Variants in TMOD1 observed in about 807,000 individuals in gnomAD.
The protein encoded by TMOD1 is tropomodulin 1.
In TMOD1, 17 loss-of-function variants were observed where a neutral mutation model predicts 40.6. That is an observed-to-expected ratio of 0.42 (90% confidence interval 0.29 to 0.63). TMOD1 has a LOEUF of 0.63. Among genes scored for constraint, TMOD1 ranks in the 20% least tolerant of loss-of-function variants. The probability of loss-of-function intolerance (pLI) is 0.22; values close to 1 mark genes in which losing one functional copy is unlikely to be tolerated. For synonymous variants in TMOD1, 181 were observed against 175.0 expected (o/e 1.03, Z -0.27); for missense variants, 391 against 447.6 (o/e 0.87, Z 1.14).
intron 9 of TMOD1, among the ~76,000 whole-genome samples, chr9:97,595,729 G>A (rs1398429259): frequency 6.6e-6 from 1 of 152,014 alleles, no homozygotes; most frequent in Non-Finnish European, 1.5e-5. Flanking sequence ...ATATCCAGAA[G>A]TGGGACTGCT....
At position 97,565,901 on chromosome 9, in the gene TMOD1, A is replaced by G. The variant is rs1315825021; in HGVS notation, c.672A>G (p.Ser224=). 3 of 1,614,070 alleles carry G rather than the reference A, an allele frequency of 1.9e-6. No homozygotes were observed. The highest frequency in any genetic ancestry group is 2.2e-5 in the East Asian group (1 of 44,892). ...ATGCAGAAGCCCTGAAAGAAAACTC[A>G]TATGTGAAGAAGTTCAGCATCGTGG... The part of the protein sequence containing the change: ...KAYAEALKEN[S]YVKKFSIVGT... Residue 224 remains serine, a synonymous_variant, in exon 7 of 10, where the codon TCA becomes TCG. Coordinates refer to ENST00000259365, the MANE Select transcript of TMOD1 (RefSeq NM_003275.4).
At chr9:97,529,799 A>C (rs1379097780) in intron 2 of TMOD1, among the ~76,000 whole-genome samples, 1 of 152,210 alleles carries the variant, frequency 6.6e-6, no homozygotes, top group Non-Finnish European at 1.5e-5. Flanking sequence ...GGTTTTGAGA[A>C]TGACAAGTCA....
At chr9:97,560,990 G>A (rs1462282259) in intron 4 of TMOD1, among the ~76,000 whole-genome samples, 1 of 152,240 alleles carries the variant, frequency 6.6e-6, no homozygotes, top group Non-Finnish European at 1.5e-5. Flanking sequence ...AGCTGGAGCA[G>A]AGAAGCTGTT....
chr9:97,540,699 T>C (rs995648071), intron 2 of TMOD1, among the ~76,000 whole-genome samples: 4 of 152,248 alleles, frequency 2.6e-5, no homozygotes, highest in African/African-American at 9.6e-5. Flanking sequence ...TCATTCACGT[T>C]GTAGTACTAC....
At chr9:97,574,501 G>A (rs1358325753) in intron 8 of TMOD1, among the ~76,000 whole-genome samples, 2 of 152,314 alleles carry the variant, frequency 1.3e-5, no homozygotes, top group East Asian at 1.9e-4. Flanking sequence ...CCCGACAAGC[G>A]CCGCCCCCTG....
chr9:97,568,937 T>C lies in TMOD1; in HGVS notation c.770T>C (p.Leu257Pro). The change falls in exon 8 of 10, where the codon CTG becomes CCG. Residue 257 changes from leucine (L) to proline (P), a missense_variant. Transcript: ENST00000259365. ...MLKENKVLKT[L>P]NVESNFISGA... ...AAGGAGAACAAGGTGTTGAAGACAC[T>C]GAATGTGGAATCCAACTTCATTTCT... The C allele has an allele frequency of 1.2e-6, 2 of 1,614,198 alleles. No individual in the cohort carries two copies. The highest frequency in any genetic ancestry group is 1.1e-5 in the South Asian group (1 of 91,086).
chr9:97,541,376 C>T (rs1292598451), intron 2 of TMOD1, among the ~76,000 whole-genome samples: 3 of 151,708 alleles, frequency 2.0e-5, no homozygotes, highest in African/African-American at 2.4e-5. Flanking sequence ...TTAGTAGAGA[C>T]GGGGTTTCGC....
chr9:97,599,609 A>G (rs766451041), intron 9 of TMOD1, 25 bp from the exon 10 acceptor site: 1 of 1,614,054 alleles, frequency 6.2e-7, no homozygotes. Flanking sequence ...AAAGTGCCTT[A>G]TATCTTATCT....
In TMOD1 at chr9:97,601,678, C is replaced by A; in HGVS notation, c.*1980C>A. 2 of 637,376 alleles carry A rather than the reference C, an allele frequency of 3.1e-6. No individual in the cohort carries two copies. Among genetic ancestry groups the A allele is most frequent in the Non-Finnish European group, 3.9e-6 (2 of 511,336 alleles). 39.5% of individuals were successfully genotyped at this position (637,376 alleles called of 1,614,324 possible). On this transcript the variant is annotated 3_prime_UTR_variant, in exon 10 of 10. Coordinates refer to ENST00000259365, the MANE Select transcript of TMOD1 (RefSeq NM_003275.4). ...TAGTGTCTGTTGCAACTATTCAACT[C>A]TGCCATAGATCATGTGTAAAGGAAT...
chr9:97,524,828 C>T (rs1457690990), intron 2 of TMOD1, among the ~76,000 whole-genome samples: 2 of 151,432 alleles, frequency 1.3e-5, no homozygotes, highest in East Asian at 3.9e-4. Flanking sequence ...TTTTTCCCTA[C>T]TCAGGTCTTC....
chr9:97,583,622 A>C (rs1388782747), intron 8 of TMOD1, among the ~76,000 whole-genome samples: 1 of 132,980 alleles, frequency 7.5e-6, no homozygotes, highest in Non-Finnish European at 1.6e-5. Context: ...CTGTGAATCC[A>C]TCTGGTCCTG....
intron 8 of TMOD1, among the ~76,000 whole-genome samples, chr9:97,578,451 C>T (rs1825664283): frequency 6.6e-6 from 1 of 152,326 alleles, no homozygotes; most frequent in Middle Eastern, 3.4e-3. Context: ...GAGATGAACA[C>T]TCCTGGAAGA....
intron 9 of TMOD1, among the ~76,000 whole-genome samples, chr9:97,596,389 A>G (rs1287028560): frequency 6.6e-6 from 1 of 152,094 alleles, no homozygotes; most frequent in Admixed American, 6.6e-5. Context: ...AATGACTCCC[A>G]AGTCTCTTAA....
At position 97,569,414 on chromosome 9, in the gene TMOD1, G is replaced by T. The variant is rs574203144; in HGVS notation, c.870+377G>T. On this transcript the variant is annotated intron_variant, in intron 8 of 9. Coordinates refer to ENST00000259365, the MANE Select transcript of TMOD1 (RefSeq NM_003275.4). Reference sequence around the variant, plus strand: ...CTTCACTCAGGACATCTGTTGCACAGATCTCATGGACCACTAAGCTCTCCT... The same window carrying T: ...CTTCACTCAGGACATCTGTTGCACATATCTCATGGACCACTAAGCTCTCCT... 1.6e-3 allele frequency among the ~76,000 whole-genome samples: 242 copies of T among 152,314 alleles called. 3 individuals carry two copies. Among genetic ancestry groups the T allele is most frequent in the African/African-American group, 5.6e-3 (231 of 41,570 alleles).
chr9:97,574,255 G>C (rs1830875349), intron 8 of TMOD1, among the ~76,000 whole-genome samples: 2 of 152,116 alleles, frequency 1.3e-5, no homozygotes, highest in South Asian at 4.2e-4. Context: ...TGTGCGCGGC[G>C]CTTGCGGGCC....
intron 8 of TMOD1, among the ~76,000 whole-genome samples, chr9:97,576,573 A>G (rs758396972): frequency 4.6e-5 from 7 of 152,186 alleles, no homozygotes; most frequent in Non-Finnish European, 7.3e-5. Context: ...AAATCCCTGT[A>G]CATTTCTGTC....
chr9:97,586,448 C>T (rs1385680171), intron 8 of TMOD1, among the ~76,000 whole-genome samples: 2 of 151,652 alleles, frequency 1.3e-5, no homozygotes, highest in East Asian at 3.9e-4. Context: ...GAGGTTACTG[C>T]TGTCTTTTTG....
chr9:97,520,829 C>T (rs1208279821), intron 1 of TMOD1, among the ~76,000 whole-genome samples: 1 of 152,170 alleles, frequency 6.6e-6, no homozygotes, highest in Non-Finnish European at 1.5e-5. Flanking sequence ...CATATCCCTC[C>T]TTCAGCAGTC....
chr9:97,509,324 G>A (rs570044986), intron 1 of TMOD1, among the ~76,000 whole-genome samples: 106 of 152,222 alleles, frequency 7.0e-4, no homozygotes, highest in African/African-American at 2.5e-3. Flanking sequence ...ATTGTGCCTG[G>A]TATGCAGTAA....
Sources: allele counts gnomAD v4.1 joint callset (sites outside exome capture counted in the v4.1 genomes callset), GRCh38; gene constraint gnomAD v4.1.1; transcripts MANE v1.5; gene names NCBI Gene and HGNC (gene_info 2026-07-23, HGNC 2026-07-21).